The following TENM3 variants were observed in gnomAD, a reference collection of about 807,000 sequenced individuals.
TENM3 encodes the protein teneurin-3.
A neutral mutation model predicts 255.1 loss-of-function variants in TENM3; 63 were observed. That is an observed-to-expected ratio of 0.25 (90% CI 0.20 to 0.30). The LOEUF is 0.30. Among genes scored for constraint, TENM3 ranks in the 10% least tolerant of loss-of-function variants. The pLI is 1.00. For synonymous variants in TENM3, 1,306 were observed against 1,322.3 expected, an observed-to-expected ratio of 0.99 and a Z score of 0.27; for missense variants, 2,929 against 3,461.1, an observed-to-expected ratio of 0.85 and a Z score of 3.86.
chr4:182,692,500 A>G (rs897834236), intron 12 of TENM3, among the ~76,000 whole-genome samples: 1 of 152,224 alleles, frequency 6.6e-6, no homozygotes, highest in African/African-American at 2.4e-5. Flanking sequence ...TAATGATTGA[A>G]TAACATATTT....
At chr4:182,786,367 G>A (rs1314016838) in intron 24 of TENM3, among the ~76,000 whole-genome samples, 1 of 152,032 alleles carries the variant, frequency 6.6e-6, no homozygotes, top group African/African-American at 2.4e-5. Context: ...GACCAGCCTG[G>A]CCAACATGGT....
intron 1 of TENM3, among the ~76,000 whole-genome samples, chr4:182,195,608 C>T (rs1426615554): frequency 6.6e-6 from 1 of 151,918 alleles, no homozygotes; most frequent in Non-Finnish European, 1.5e-5. Context: ...CCACTGCACT[C>T]CAGTGTGGGT....
At chr4:182,711,776 T>C (rs79259858) in intron 12 of TENM3, among the ~76,000 whole-genome samples, 13,716 of 152,224 alleles carry the variant, frequency 0.09, 911 homozygotes, top group Admixed American at 0.12. Context: ...CTGTGTCTCA[T>C]TTTTATAATT....
chr4:181,620,823 G>A, the TENM3 span, among the ~76,000 whole-genome samples: 2 of 152,148 alleles, frequency 1.3e-5, no homozygotes, highest in East Asian at 1.9e-4. Flanking sequence ...TTCTGTAAAT[G>A]TGAACTGTTA....
At chr4:182,140,983 A>T (rs1473341949), upstream of TENM3, among the ~76,000 whole-genome samples, 4 of 137,330 alleles carry the variant, frequency 2.9e-5, no homozygotes, top group Non-Finnish European at 6.3e-5. Flanking sequence ...TCGGCCCATT[A>T]TATCCCTCCC....
the TENM3 span, among the ~76,000 whole-genome samples, chr4:182,115,808 G>A: frequency 1.3e-5 from 2 of 151,988 alleles, no homozygotes; most frequent in Non-Finnish European, 2.9e-5. Flanking sequence ...ATATAGTCCA[G>A]CACTCTCATG....
intron 3 of TENM3, among the ~76,000 whole-genome samples, chr4:182,352,575 C>T (rs747314355): frequency 6.6e-6 from 1 of 152,078 alleles, no homozygotes; most frequent in Non-Finnish European, 1.5e-5. Flanking sequence ...GTGCATGATA[C>T]TGAAGTATTA....
intron 3 of TENM3, among the ~76,000 whole-genome samples, chr4:182,493,468 A>T (rs1580734341): frequency 1.3e-5 from 2 of 152,280 alleles, no homozygotes; most frequent in East Asian, 3.9e-4. Flanking sequence ...AGCATGCTTT[A>T]TGCCTTATGA....
chr4:182,200,791 G>A (rs1176385329), intron 1 of TENM3, among the ~76,000 whole-genome samples: 1 of 149,820 alleles, frequency 6.7e-6, no homozygotes, highest in Non-Finnish European at 1.5e-5. Flanking sequence ...AACAGAACCA[G>A]CCAAGGGGAA....
At chr4:181,495,902 T>TAAAAAAAAAAAAAAAAAAAAAA in the TENM3 span, among the ~76,000 whole-genome samples, 1 of 116,880 alleles carries the variant, frequency 8.6e-6, no homozygotes, top group Non-Finnish European at 1.7e-5. Context: ...AGAGACAAAT[T>TAAAAAAAAAAAAAAAAAAAAAA]AAAAAAAAAA....
At chr4:182,417,969 G>A (rs774790447) in intron 3 of TENM3, among the ~76,000 whole-genome samples, 2 of 152,024 alleles carry the variant, frequency 1.3e-5, no homozygotes, top group Non-Finnish European at 2.9e-5. Context: ...TTATGTGTAC[G>A]TGGTTTTTTA....
chr4:181,842,522 A>T, the TENM3 span, among the ~76,000 whole-genome samples: 2 of 152,306 alleles, frequency 1.3e-5, no homozygotes, highest in African/African-American at 4.8e-5. Flanking sequence ...CACATTTTAA[A>T]TATTTCTCTG....
At chr4:182,102,352 CAT>C in the TENM3 span, among the ~76,000 whole-genome samples, 2 of 152,306 alleles carry the variant, frequency 1.3e-5, no homozygotes, top group East Asian at 3.9e-4. Flanking sequence ...CATGTGTCCA[CAT>C]GAGATTAGAA....
intron 2 of TENM3, among the ~76,000 whole-genome samples, chr4:182,327,054 T>A (rs149919894): frequency 3.9e-5 from 6 of 152,160 alleles, no homozygotes; most frequent in African/African-American, 1.4e-4. Context: ...GAGAAACGAG[T>A]AAGGAAAGTC....
At chr4:182,588,839 G>A (rs960864729) in intron 3 of TENM3, among the ~76,000 whole-genome samples, 1 of 152,174 alleles carries the variant, frequency 6.6e-6, no homozygotes, top group Admixed American at 6.5e-5. Context: ...TCAAAAGATA[G>A]CCATGTACAC....
the TENM3 span, among the ~76,000 whole-genome samples, chr4:182,040,360 G>A: frequency 3.3e-5 from 5 of 152,070 alleles, no homozygotes; most frequent in South Asian, 2.1e-4. Flanking sequence ...AACACAGTCC[G>A]GTTTCCAAAG....
chr4:181,740,585 G>A, the TENM3 span, among the ~76,000 whole-genome samples: 1 of 151,774 alleles, frequency 6.6e-6, no homozygotes, highest in African/African-American at 2.4e-5. Flanking sequence ...AAAGCAAATG[G>A]TGAAAACCAA....
chr4:182,621,419 T>A (rs1750128992), intron 4 of TENM3, among the ~76,000 whole-genome samples: 1 of 150,596 alleles, frequency 6.6e-6, no homozygotes, highest in African/African-American at 2.4e-5. Flanking sequence ...CTGTGACTAA[T>A]CTGAGTACAG....
intron 3 of TENM3, 55 bp downstream of exon 3, chr4:182,346,984 G>A: frequency 8.0e-7 from 1 of 1,246,200 alleles, no homozygotes; most frequent in Non-Finnish European, 1.0e-6. Flanking sequence ...TGTCTGTTTT[G>A]GTTGACTCCG....
Sources: allele counts gnomAD v4.1 joint callset (sites outside exome capture counted in the v4.1 genomes callset), GRCh38; gene constraint gnomAD v4.1.1; transcripts MANE v1.5; gene names NCBI Gene and HGNC (gene_info 2026-07-23, HGNC 2026-07-21).